The following MYRIP variants were observed in gnomAD, a reference collection of about 807,000 sequenced individuals.
MYRIP encodes the protein rab effector MyRIP.
A neutral mutation model predicts 98.0 loss-of-function variants in MYRIP; 49 were observed. The ratio of observed to expected loss-of-function variants is 0.50; its 90% confidence interval spans 0.40 to 0.63. The LOEUF (loss-of-function observed/expected upper bound fraction) is 0.63. Among genes scored for constraint, MYRIP ranks in the 30% least tolerant of loss-of-function variants. The pLI, the probability that MYRIP is intolerant of heterozygous loss-of-function variation, is 0.00. For synonymous variants in MYRIP, 404 were observed against 409.5 expected (o/e 0.99, Z 0.16); for missense variants, 1,004 against 1,058.2 (o/e 0.95, Z 0.71).
intron 13 of MYRIP, among the ~76,000 whole-genome samples, chr3:40,245,188 T>C (rs1378125517): frequency 2.0e-5 from 3 of 152,236 alleles, no homozygotes; most frequent in Non-Finnish European, 4.4e-5. Context: ...ATTTCAGAAC[T>C]GATTGACATA....
chr3:40,038,876 G>T (rs186557342), intron 2 of MYRIP, among the ~76,000 whole-genome samples: 57 of 152,166 alleles, frequency 3.7e-4, no homozygotes, highest in Non-Finnish European at 1.3e-4. Flanking sequence ...TTACCAGTTA[G>T]GTCGCAGCTT....
At chr3:39,959,300 T>A (rs1240858342) in intron 2 of MYRIP, among the ~76,000 whole-genome samples, 2 of 152,152 alleles carry the variant, frequency 1.3e-5, no homozygotes, top group Non-Finnish European at 2.9e-5. Context: ...TAGACTGAAT[T>A]AAGAAAATGT....
intron 3 of MYRIP, among the ~76,000 whole-genome samples, chr3:40,149,293 A>G (rs966063320): frequency 3.3e-5 from 5 of 152,232 alleles, no homozygotes; most frequent in African/African-American, 9.6e-5. Context: ...TTCAACAACC[A>G]GCTCTTGAGT....
At chr3:40,069,449 G>T (rs9874684) in intron 3 of MYRIP, among the ~76,000 whole-genome samples, 57,393 of 150,468 alleles carry the variant, frequency 0.38, 11,021 homozygotes, top group East Asian at 0.58. Context: ...ACATAGAACT[G>T]AATATTTTAA....
At chr3:39,954,246 G>T (rs1195061728) in intron 2 of MYRIP, among the ~76,000 whole-genome samples, 1 of 152,122 alleles carries the variant, frequency 6.6e-6, no homozygotes, top group South Asian at 2.1e-4. Context: ...TAGCTTAACT[G>T]GGAGACACCT....
At chr3:39,997,854 T>TC (rs1345247108) in intron 2 of MYRIP, among the ~76,000 whole-genome samples, 1 of 152,128 alleles carries the variant, frequency 6.6e-6, no homozygotes, top group Admixed American at 6.5e-5. Context: ...GTGGGCTTCA[T>TC]CCCTGCGATG....
In MYRIP at chr3:40,071,534, T is replaced by C. The variant is rs1373039213; in HGVS notation, c.332+27263T>C. Among the ~76,000 whole-genome samples the C allele has an allele frequency of 2.6e-5, 4 of 151,362 alleles. No homozygotes were observed. In the Admixed American group the frequency reaches 2.6e-4, roughly 10 times the overall value. Reference sequence around the variant, plus strand: ...TGACGATTCAGTAGAAAGGGAGCAATTGATGATTGGGGCACAAGGGTCAAC... The same window carrying C: ...TGACGATTCAGTAGAAAGGGAGCAACTGATGATTGGGGCACAAGGGTCAAC... On this transcript the variant is annotated intron_variant, in intron 3 of 16. Coordinates refer to ENST00000302541, the MANE Select transcript of MYRIP (RefSeq NM_015460.4).
At chr3:40,109,826 A>T (rs1949122727) in intron 3 of MYRIP, among the ~76,000 whole-genome samples, 1 of 152,184 alleles carries the variant, frequency 6.6e-6, no homozygotes, top group African/African-American at 2.4e-5. Flanking sequence ...GACACTGATA[A>T]ATCTTGCTGT....
At position 40,183,830 on chromosome 3, in the gene MYRIP, T is replaced by A. The variant is rs1950955679; in HGVS notation, c.1027+1457T>A. 4.6e-5 allele frequency among the ~76,000 whole-genome samples: 7 copies of A among 152,336 alleles called. 1 individual carries two copies. In the South Asian group the frequency reaches 1.4e-3, roughly 32 times the overall value. ...AGCATAGCCATCCTAGTAATAAGCT[T>A]TTAAAGATTGTGCTATTATTTCTAC... is the stretch of plus-strand genomic sequence containing the variant. On this transcript the variant is annotated intron_variant, in intron 9 of 16. Transcript: ENST00000302541.
At chr3:40,139,002 C>A (rs1949839622) in intron 3 of MYRIP, among the ~76,000 whole-genome samples, 1 of 152,196 alleles carries the variant, frequency 6.6e-6, no homozygotes, top group Non-Finnish European at 1.5e-5. Flanking sequence ...CCTCTAGTAT[C>A]CTCTGCTCTA....
intron 2 of MYRIP, among the ~76,000 whole-genome samples, chr3:39,930,865 C>T (rs59144290): frequency 8.5e-5 from 13 of 152,064 alleles, no homozygotes; most frequent in African/African-American, 2.9e-4. Flanking sequence ...GATTTCATTC[C>T]ATTACATTGA....
At chr3:39,890,674 A>G (rs1032348503) in intron 1 of MYRIP, among the ~76,000 whole-genome samples, 1 of 143,432 alleles carries the variant, frequency 7.0e-6, no homozygotes, top group Non-Finnish European at 1.5e-5. Flanking sequence ...CAGCAACTTT[A>G]TTTCACCAAA....
At chr3:40,087,587 G>A (rs898593961) in intron 3 of MYRIP, among the ~76,000 whole-genome samples, 54 of 152,272 alleles carry the variant, frequency 3.5e-4, no homozygotes, top group African/African-American at 1.3e-3. Flanking sequence ...TGGCATGGTA[G>A]CCAATGTTTA....
At chr3:40,002,682 T>C (rs1946546030) in intron 2 of MYRIP, among the ~76,000 whole-genome samples, 1 of 152,108 alleles carries the variant, frequency 6.6e-6, no homozygotes, top group Admixed American at 6.5e-5. Context: ...CCGAGGTATG[T>C]TTAAGGATGG....
intron 1 of MYRIP, among the ~76,000 whole-genome samples, chr3:39,888,640 C>T (rs1943384815): frequency 6.6e-6 from 1 of 152,160 alleles, no homozygotes; most frequent in Admixed American, 6.5e-5. Flanking sequence ...ATGTCTAAAA[C>T]ACCAAAAGCA....
At chr3:39,903,604 G>C (rs558325741) in intron 2 of MYRIP, among the ~76,000 whole-genome samples, 84 of 152,312 alleles carry the variant, frequency 5.5e-4, no homozygotes, top group Non-Finnish European at 8.2e-4. Flanking sequence ...TGGGGATGAA[G>C]AATTCATGGA....
upstream of MYRIP, chr3:39,808,917 C>G (rs965514028): frequency 6.6e-6 from 1 of 152,266 alleles, no homozygotes; most frequent in Non-Finnish European, 1.5e-5. Flanking sequence ...GCTCACTAAC[C>G]CGGCGGTTCC....
intron 2 of MYRIP, among the ~76,000 whole-genome samples, chr3:39,937,458 A>C (rs910634236): frequency 1.3e-5 from 2 of 152,202 alleles, no homozygotes; most frequent in Non-Finnish European, 2.9e-5. Flanking sequence ...GGGTGCAGAC[A>C]CAGTCCTGCT....
At chr3:39,898,446 C>G (rs1943666825) in intron 1 of MYRIP, among the ~76,000 whole-genome samples, 1 of 152,156 alleles carries the variant, frequency 6.6e-6, no homozygotes, top group Non-Finnish European at 1.5e-5. Context: ...GGGCAGATAA[C>G]CTTCTTTTAA....
Sources: allele counts gnomAD v4.1 joint callset (sites outside exome capture counted in the v4.1 genomes callset), GRCh38; gene constraint gnomAD v4.1.1; transcripts MANE v1.5; gene names NCBI Gene and HGNC (gene_info 2026-07-23, HGNC 2026-07-21).